The following C1orf105 variants were observed in gnomAD, a reference collection of about 807,000 sequenced individuals.
The protein encoded by C1orf105 is chromosome 1 open reading frame 105.
C1orf105 carries 17 observed loss-of-function variants against 20.8 expected under a neutral mutation model. That is an observed-to-expected ratio of 0.82 (90% CI 0.56 to 1.23). The LOEUF (loss-of-function observed/expected upper bound fraction) is 1.23, where lower values mean the gene tolerates loss of function less well. Among genes scored for constraint, C1orf105 ranks in the 50% most tolerant of loss-of-function variants. The pLI is 0.00. For missense variants in C1orf105, 219 were observed against 213.5 expected (o/e 1.03, Z -0.16); for synonymous variants, 72 against 72.1 (o/e 1.00, Z 0.01).
chr1:172,442,545 A>G, intron 1 of C1orf105: 1 of 1,614,186 alleles, frequency 6.2e-7, no homozygotes, highest in East Asian at 2.2e-5. Flanking sequence ...CCACATAGTT[A>G]TCAGGAAAGG....
At chr1:172,454,674 C>G (rs958375903) in intron 3 of C1orf105, among the ~76,000 whole-genome samples, 1 of 152,070 alleles carries the variant, frequency 6.6e-6, no homozygotes, top group African/African-American at 2.4e-5. Context: ...CATCCTTGTT[C>G]ACTCCACAAA....
intron 1 of C1orf105, chr1:172,441,467 A>AT (rs1417130070): frequency 3.3e-6 from 1 of 303,880 alleles, no homozygotes; most frequent in Non-Finnish European, 6.0e-6. Flanking sequence ...TGGATGTGTT[A>AT]TTTTTTTAAT....
At chr1:172,456,171 C>A (rs1458176923) in intron 3 of C1orf105, among the ~76,000 whole-genome samples, 1 of 152,104 alleles carries the variant, frequency 6.6e-6, no homozygotes, top group African/African-American at 2.4e-5. Flanking sequence ...CTGCATGCAG[C>A]AGCCTCAAGA....
At chr1:172,465,989 T>C (rs566915277) in intron 6 of C1orf105, among the ~76,000 whole-genome samples, 2 of 152,258 alleles carry the variant, frequency 1.3e-5, no homozygotes, top group African/African-American at 2.4e-5. Flanking sequence ...GCTGTCACTT[T>C]AGTGACTTTG....
chr1:172,465,304 G>T lies in C1orf105; in HGVS notation c.347G>T (p.Ser116Ile). ...SFENCMSYRM[S>I]LHQPKFQTTP... The stretch of plus-strand genomic sequence containing the variant: ...TTCTTGTTTCTTCCAATCAGAATGA[G>T]TCTTCATCAACCCAAATTCCAGACT... The change falls in exon 6 of 7, where the codon AGT becomes ATT. Residue 116 changes from serine to isoleucine, a missense_variant. Coordinates refer to ENST00000367727, the MANE Select transcript of C1orf105 (RefSeq NM_139240.4). 6.2e-7 allele frequency: 1 copy of T among 1,611,566 alleles called. No homozygotes were observed. The highest frequency in any genetic ancestry group is 1.1e-5 in the South Asian group (1 of 91,022).
chr1:172,456,571 G>C, intron 4 of C1orf105, 82 bp downstream of exon 4: 1 of 1,374,034 alleles, frequency 7.3e-7, no homozygotes, highest in Non-Finnish European at 1.0e-6. Flanking sequence ...TGTGGGGAGA[G>C]ATAGTGACGG....
intron 1 of C1orf105, among the ~76,000 whole-genome samples, chr1:172,425,128 A>C (rs149477190): frequency 5.4e-4 from 83 of 152,332 alleles, no homozygotes; most frequent in African/African-American, 1.9e-3. Context: ...ATCATACTGG[A>C]TGTTACTTGA....
In C1orf105 at chr1:172,429,913, T is replaced by C. The variant is rs1278211777; in HGVS notation, c.21+9007T>C. 2.6e-5 allele frequency among the ~76,000 whole-genome samples: 4 copies of C among 152,186 alleles called. 1 individual carries two copies. Among genetic ancestry groups the C allele is most frequent in the African/African-American group, 9.7e-5 (4 of 41,448 alleles). ...TTAATCCTTGGCACCATTTTGGAAG[T>C]GTGAGCAAAGCTGCCTCCCCATTCC... is the stretch of plus-strand genomic sequence containing the variant. On this transcript the variant is annotated intron_variant, in intron 1 of 6. Transcript: ENST00000367727.
intron 2 of C1orf105, among the ~76,000 whole-genome samples, chr1:172,447,187 G>A (rs1050551139): frequency 4.6e-5 from 7 of 152,208 alleles, no homozygotes; most frequent in African/African-American, 1.7e-4. Flanking sequence ...AGTTCTCAAT[G>A]TGCCTTAAGC....
intron 1 of C1orf105, among the ~76,000 whole-genome samples, chr1:172,421,682 C>A (rs887852644): frequency 3.3e-5 from 5 of 151,952 alleles, no homozygotes; most frequent in African/African-American, 1.2e-4. Context: ...TCATAAGAAC[C>A]AAAAATCAGT....
chr1:172,446,689 C>T (rs973778156), intron 2 of C1orf105, among the ~76,000 whole-genome samples: 2 of 152,192 alleles, frequency 1.3e-5, no homozygotes, highest in Non-Finnish European at 2.9e-5. Context: ...TCTCTAATTA[C>T]ACAAGCCTTT....
At position 172,448,518 on chromosome 1, in the gene C1orf105, A is replaced by G. The variant is rs376324202; in HGVS notation, c.185A>G (p.Asp62Gly). The G allele has an allele frequency of 5.6e-6, 9 of 1,608,960 alleles. No homozygotes were observed. In the African/African-American group the frequency reaches 1.1e-4, roughly 19 times the overall value. The change falls in exon 3 of 7, where the codon GAT becomes GGT. Residue 62 changes from aspartate (D) to glycine (G), a missense_variant. Physicochemically the swap from Asp to Gly is moderately conservative, Grantham distance 94. Coordinates refer to ENST00000367727, the MANE Select transcript of C1orf105 (RefSeq NM_139240.4). ...MNLPILFQVP[D>G]VLSKARRNQC... is the part of the protein sequence containing the mutation. ...TTGCCAATTTTGTTTCAAGTTCCAG[A>G]TGTTTTATCTAAGGTACTAAAAAAT... is the stretch of plus-strand genomic sequence containing the variant.
chr1:172,442,089 G>C lies in C1orf105; in HGVS notation c.22-2984G>C, dbSNP rs777046406. The C allele has an allele frequency of 4.3e-6, 7 of 1,614,228 alleles. No individual in the cohort carries two copies. In the South Asian group the frequency reaches 4.4e-5, roughly 10 times the overall value. On this transcript the variant is annotated intron_variant, in intron 1 of 6. Transcript: ENST00000367727. ...CAGAAGCAAAGATGGCCATGTTCAAGGATAGTGTGCTGGATACAATGGCAG... is the reference window on the plus strand; with the variant it reads ...CAGAAGCAAAGATGGCCATGTTCAACGATAGTGTGCTGGATACAATGGCAG...
At chr1:172,445,049 A>C in intron 1 of C1orf105, 24 bp from the exon 2 acceptor site, 1 of 1,580,168 alleles carries the variant, frequency 6.3e-7, no homozygotes, top group Non-Finnish European at 8.7e-7. Flanking sequence ...TATATTCTGT[A>C]AAATGTTCTC....
chr1:172,446,878 A>G (rs1245258756), intron 2 of C1orf105, among the ~76,000 whole-genome samples: 1 of 152,220 alleles, frequency 6.6e-6, no homozygotes, highest in Non-Finnish European at 1.5e-5. Context: ...AGGCACAAGG[A>G]GAAATTACCT....
chr1:172,468,071 T>C (rs756171553), intron 6 of C1orf105, among the ~76,000 whole-genome samples: 1 of 152,204 alleles, frequency 6.6e-6, no homozygotes, highest in Non-Finnish European at 1.5e-5. Flanking sequence ...TCCTGAGAAT[T>C]GAATCCTCTT....
At chr1:172,444,443 A>G (rs1647742995) in intron 1 of C1orf105, among the ~76,000 whole-genome samples, 1 of 152,216 alleles carries the variant, frequency 6.6e-6, no homozygotes, top group South Asian at 2.1e-4. Context: ...GCATGTAACA[A>G]GCCATGCTTG....
At chr1:172,467,265 C>T (rs527432417) in intron 6 of C1orf105, among the ~76,000 whole-genome samples, 1 of 152,350 alleles carries the variant, frequency 6.6e-6, no homozygotes, top group African/African-American at 2.4e-5. Flanking sequence ...GTGACTGACT[C>T]ATCCCAGTGA....
intron 1 of C1orf105, 108 bp downstream of exon 1, chr1:172,421,014 C>A: frequency 9.8e-7 from 1 of 1,021,962 alleles, no homozygotes; most frequent in Non-Finnish European, 1.5e-6. Flanking sequence ...TTTCAACAGA[C>A]ATCCTAGAAG....
Sources: allele counts gnomAD v4.1 joint callset (sites outside exome capture counted in the v4.1 genomes callset), GRCh38; gene constraint gnomAD v4.1.1; transcripts MANE v1.5; gene names NCBI Gene and HGNC (gene_info 2026-07-23, HGNC 2026-07-21).